The following DYRK1A variants were observed in gnomAD, a reference collection of about 807,000 sequenced individuals.
The protein encoded by DYRK1A is dual specificity tyrosine-phosphorylation-regulated kinase 1A.
Under a neutral mutation model 79.7 loss-of-function variants are expected in DYRK1A, and 9 were observed. The ratio of observed to expected loss-of-function variants is 0.11; its 90% CI spans 0.07 to 0.20. The LOEUF (loss-of-function observed/expected upper bound fraction) is 0.20. DYRK1A is among the 10% of genes least tolerant of loss of function. The pLI is 1.00. For synonymous variants in DYRK1A, 349 were observed against 329.7 expected (o/e 1.06, Z -0.63); for missense variants, 622 against 956.0 (o/e 0.65, Z 4.61).
At chr21:37,427,111 T>C (rs2050647665) in intron 2 of DYRK1A, among the ~76,000 whole-genome samples, 2 of 152,202 alleles carry the variant, frequency 1.3e-5, no homozygotes, top group Admixed American at 1.3e-4. Flanking sequence ...TGTTGAAATT[T>C]GCTTTGCAGA....
intron 3 of DYRK1A, among the ~76,000 whole-genome samples, chr21:37,474,090 T>G (rs1417507237): frequency 6.6e-6 from 1 of 152,192 alleles, no homozygotes; most frequent in Non-Finnish European, 1.5e-5. Flanking sequence ...AGGACTGCGC[T>G]CCCATTTGTG....
intron 1 of DYRK1A, among the ~76,000 whole-genome samples, chr21:37,389,554 C>T (rs1461611488): frequency 3.3e-5 from 5 of 152,044 alleles, no homozygotes; most frequent in African/African-American, 1.2e-4. Flanking sequence ...TCCATCATAG[C>T]GTTGTCTCAG....
chr21:37,412,768 T>G (rs1393769092), intron 1 of DYRK1A, among the ~76,000 whole-genome samples: 1 of 151,800 alleles, frequency 6.6e-6, no homozygotes, highest in Non-Finnish European at 1.5e-5. Flanking sequence ...AGATGGGAAG[T>G]TCAAGTGGAT....
chr21:37,426,934 AAG>A lies in DYRK1A; in HGVS notation c.10+6554_10+6555del, dbSNP rs1376844664. On this transcript the variant is annotated intron_variant, in intron 2 of 11. Coordinates refer to ENST00000647188, the MANE Select transcript of DYRK1A (RefSeq NM_001347721.2). ...GACTCGGTTCTAAAAAAAAAAAAAA[AAG>A]AGATGAATAACCAAGAAGAAATGAA... 7.6e-5 allele frequency among the ~76,000 whole-genome samples: 11 copies of A among 145,546 alleles called. 1 individual carries two copies. Among genetic ancestry groups the A allele is most frequent in the African/African-American group, 1.9e-4 (7 of 36,112 alleles).
chr21:37,426,779 G>C (rs1489466947), intron 2 of DYRK1A, among the ~76,000 whole-genome samples: 2 of 150,260 alleles, frequency 1.3e-5, no homozygotes, highest in Non-Finnish European at 3.0e-5. Flanking sequence ...AATAAGCCAG[G>C]TTTGGTGGCG....
intron 2 of DYRK1A, among the ~76,000 whole-genome samples, chr21:37,441,317 T>C (rs750678125): frequency 8.5e-5 from 13 of 152,138 alleles, no homozygotes; most frequent in Non-Finnish European, 1.5e-4. Context: ...TTGACTTGCT[T>C]TTCTTGTTGT....
intron 4 of DYRK1A, among the ~76,000 whole-genome samples, chr21:37,479,151 A>T (rs1020245366): frequency 1.3e-5 from 2 of 151,366 alleles, no homozygotes; most frequent in Admixed American, 6.6e-5. Context: ...GGTACATGCA[A>T]ATTTTATAGC....
chr21:37,438,512 G>A (rs1427577801), intron 2 of DYRK1A, among the ~76,000 whole-genome samples: 2 of 152,092 alleles, frequency 1.3e-5, no homozygotes, highest in Non-Finnish European at 2.9e-5. Flanking sequence ...GTGCTGCAAA[G>A]TATAGATCAA....
At chr21:37,508,871 T>TC (rs761524834) in intron 11 of DYRK1A, among the ~76,000 whole-genome samples, 4 of 152,230 alleles carry the variant, frequency 2.6e-5, no homozygotes, top group Non-Finnish European at 4.4e-5. Flanking sequence ...GTATCACTAC[T>TC]CCCAGGGGCT....
chr21:37,374,922 G>A (rs1215877213), intron 1 of DYRK1A, among the ~76,000 whole-genome samples: 1 of 152,168 alleles, frequency 6.6e-6, no homozygotes, highest in Non-Finnish European at 1.5e-5. Flanking sequence ...CACCAATAAA[G>A]TTCATTTCTC....
At chr21:37,488,396 A>C in intron 6 of DYRK1A, 2 of 789,882 alleles carry the variant, frequency 2.5e-6, no homozygotes, top group Non-Finnish European at 3.1e-6. Context: ...ATTAGTTTTA[A>C]AGTGATTGAT....
intron 1 of DYRK1A, among the ~76,000 whole-genome samples, chr21:37,378,911 C>T (rs1439771593): frequency 6.6e-6 from 1 of 152,048 alleles, no homozygotes; most frequent in African/African-American, 2.4e-5. Flanking sequence ...GGGTCTCGAT[C>T]TTGAAGAGTG....
chr21:37,403,667 G>A (rs1217277052), intron 1 of DYRK1A, among the ~76,000 whole-genome samples: 653 of 55,596 alleles, frequency 0.012, 3 homozygotes, highest in African/African-American at 0.042. Flanking sequence ...ATATATATGT[G>A]TGTGTGTGTG....
Position 37,520,833 on chromosome 21 carries a change from T to TCAGTGCGCTTG in DYRK1A, c.*8302_*8303insCAGTGCGCTTG. On this transcript the variant is annotated 3_prime_UTR_variant, in exon 12 of 12. Coordinates refer to ENST00000647188, the MANE Select transcript of DYRK1A (RefSeq NM_001347721.2). ...AGGGGCTCCAGCGCTCACCGCTGGG[T>TCAGTGCGCTTG]GAGATCTACAGGGCTCAGTGCGCTT... 1 of 152,064 alleles carries TCAGTGCGCTTG rather than the reference T, an allele frequency of 6.6e-6. No individual in the cohort carries two copies. The highest frequency in any genetic ancestry group is 1.5e-5 in the Non-Finnish European group (1 of 68,010). The allele number at this position is 152,064 out of a possible 1,614,324, so 9.4% of individuals were successfully genotyped here.
At chr21:37,432,994 AATG>A (rs1468985707) in intron 2 of DYRK1A, among the ~76,000 whole-genome samples, 1 of 150,122 alleles carries the variant, frequency 6.7e-6, no homozygotes, top group Non-Finnish European at 1.5e-5. Flanking sequence ...AAAAAAAGTT[AATG>A]ATTAATTGTA....
intron 2 of DYRK1A, among the ~76,000 whole-genome samples, chr21:37,459,216 A>G (rs1356635336): frequency 6.6e-6 from 1 of 152,150 alleles, no homozygotes; most frequent in East Asian, 1.9e-4. Context: ...CAATCATTTT[A>G]TTAGCTTGCT....
intron 1 of DYRK1A, among the ~76,000 whole-genome samples, chr21:37,388,734 T>C (rs2049812489): frequency 1.3e-5 from 2 of 150,472 alleles, no homozygotes; most frequent in South Asian, 2.1e-4. Flanking sequence ...AAGCTCTGCC[T>C]CCTGGGTTTA....
rs1049786 is a variant in DYRK1A at position 37,490,255 on chromosome 21, C to T, written c.718C>T (p.Leu240=). ...GCTGTCCTACAACCTCTATGACTTG[C>T]TGAGAAACACCAATTTCCGAGGGGT... ...EMLSYNLYDL[L]RNTNFRGVSL... The change falls in exon 7 of 12, where the codon CTG becomes TTG. Residue 240 remains leucine (L), a synonymous_variant. Transcript: ENST00000647188. The T allele has an allele frequency of 6.2e-7, 1 of 1,613,832 alleles. No homozygotes were observed. The highest frequency in any genetic ancestry group is 2.2e-5 in the East Asian group (1 of 44,864).
At chr21:37,394,941 G>C (rs569737997) in intron 1 of DYRK1A, among the ~76,000 whole-genome samples, 1 of 152,270 alleles carries the variant, frequency 6.6e-6, no homozygotes, top group African/African-American at 2.4e-5. Flanking sequence ...GTTCACAAAC[G>C]ATCTCAAGTA....
Sources: gnomAD v4.1 joint callset for allele counts (sites outside exome capture counted in the v4.1 genomes callset) on GRCh38, gnomAD v4.1.1 for gene constraint, MANE v1.5 for transcripts, NCBI Gene and HGNC (gene_info 2026-07-23, HGNC 2026-07-21) for gene names.